Variants in ZNF564 observed in about 807,000 individuals in gnomAD.
ZNF564 encodes zinc finger protein 564.
A neutral mutation model predicts 10.5 loss-of-function variants in ZNF564; 5 were observed. The observed-to-expected ratio is 0.48, with a 90% confidence interval of 0.25 to 1.00. The LOEUF (loss-of-function observed/expected upper bound fraction) is 1.00. Ranked by LOEUF, ZNF564 falls within the 50% of genes least tolerant of loss-of-function variation. The pLI, the probability that ZNF564 is intolerant of heterozygous loss-of-function variation, is 0.16. For missense variants in ZNF564, 603 were observed against 669.7 expected (o/e 0.90, Z 1.10); for synonymous variants, 242 against 218.1 (o/e 1.11, Z -0.97).
At chr19:12,537,672 A>C (rs2021943762) in intron 1 of ZNF564, among the ~76,000 whole-genome samples, 1 of 146,662 alleles carries the variant, frequency 6.8e-6, no homozygotes, top group South Asian at 2.1e-4. Flanking sequence ...CGGGAGGCGG[A>C]GGTTGCGGTG....
In ZNF564 at chr19:12,530,467, A is replaced by G. The variant is rs7256357; in HGVS notation, c.4-1771T>C. 5.8e-3 allele frequency among the ~76,000 whole-genome samples: 887 copies of G among 152,216 alleles called. 15 individuals carry two copies. Among genetic ancestry groups the G allele is most frequent in the African/African-American group, 0.02 (850 of 41,540 alleles). ...TTTACCTTACATACACAAACATACT[A>G]AGAAGACAAAATGCCAGAAGAGTTT... On this transcript the variant is annotated intron_variant, in intron 1 of 3. Transcript: ENST00000339282.
intron 1 of ZNF564, among the ~76,000 whole-genome samples, chr19:12,543,673 CA>C (rs57611686): frequency 0.03 from 1,860 of 62,234 alleles, 15 homozygotes; most frequent in African/African-American, 0.12. Context: ...GACTTCGTCT[CA>C]AAAAAAAAAA....
At chr19:12,534,494 T>C (rs774086167) in intron 1 of ZNF564, among the ~76,000 whole-genome samples, 6 of 152,176 alleles carry the variant, frequency 3.9e-5, no homozygotes, top group Non-Finnish European at 8.8e-5. Flanking sequence ...GCACCTATTT[T>C]GGAAGATGGT....
At chr19:12,533,749 A>AAAAAAAAAAAAAAAAAAAAAG (rs2021854194) in intron 1 of ZNF564, among the ~76,000 whole-genome samples, 1 of 149,304 alleles carries the variant, frequency 6.7e-6, no homozygotes, top group African/African-American at 2.4e-5. Context: ...AAAAAAAAAA[A>AAAAAAAAAAAAAAAAAAAAAG]ACAGAAAAAA....
chr19:12,528,950 G>A (rs371745333), intron 1 of ZNF564, among the ~76,000 whole-genome samples: 7 of 152,078 alleles, frequency 4.6e-5, no homozygotes, highest in East Asian at 1.9e-4. Flanking sequence ...TGTTAATCCC[G>A]GCTACTCAGG....
chr19:12,551,016 C>G lies in ZNF564; in HGVS notation c.3+314G>C, dbSNP rs375211681. Reference sequence around the variant, plus strand: ...CGAACCGCACACCCGAGACGGGATTCCGCCTTATGACCCTCCCGTGTCCCA... The same window carrying G: ...CGAACCGCACACCCGAGACGGGATTGCGCCTTATGACCCTCCCGTGTCCCA... On this transcript the variant is annotated intron_variant, in intron 1 of 3. Transcript: ENST00000339282. Among the ~76,000 whole-genome samples the G allele has an allele frequency of 9.8e-5, 15 of 152,376 alleles. No homozygotes were observed. In the East Asian group the frequency reaches 1.7e-3, roughly 18 times the overall value.
intron 3 of ZNF564, 115 bp downstream of exon 3, chr19:12,528,189 A>G (rs2021731644): frequency 2.7e-6 from 3 of 1,107,590 alleles, no homozygotes; most frequent in South Asian, 1.4e-5. Context: ...TTCTGGTGAA[A>G]AAGTTGTAGG....
chr19:12,539,963 A>C (rs1052388877), intron 1 of ZNF564, among the ~76,000 whole-genome samples: 1 of 151,814 alleles, frequency 6.6e-6, no homozygotes, highest in Non-Finnish European at 1.5e-5. Context: ...CCTGGGTAAC[A>C]GAACGAGACT....
chr19:12,548,421 T>C (rs1371517302), intron 1 of ZNF564, among the ~76,000 whole-genome samples: 2 of 152,090 alleles, frequency 1.3e-5, no homozygotes, highest in Non-Finnish European at 2.9e-5. Context: ...TTCACTGTGT[T>C]AGCCAGGATG....
At chr19:12,551,304 C>G (rs781497869) in intron 1 of ZNF564, 26 bp downstream of exon 1, 114 of 1,604,966 alleles carry the variant, frequency 7.1e-5, no homozygotes, top group Non-Finnish European at 9.4e-5. Flanking sequence ...CCCCCAGTCT[C>G]CAGGCGCCCG....
At chr19:12,544,092 C>T (rs915886236) in intron 1 of ZNF564, among the ~76,000 whole-genome samples, 2 of 152,242 alleles carry the variant, frequency 1.3e-5, no homozygotes, top group South Asian at 4.1e-4. Context: ...TTCAAGCCAC[C>T]CAGCCTATGG....
intron 1 of ZNF564, among the ~76,000 whole-genome samples, chr19:12,544,317 C>T (rs986033233): frequency 2.6e-5 from 4 of 152,130 alleles, no homozygotes; most frequent in Admixed American, 2.6e-4. Context: ...ACAGTTAAAC[C>T]CCAGCAGCAG....
At chr19:12,548,101 C>A (rs2022187305) in intron 1 of ZNF564, 41 of 949,928 alleles carry the variant, frequency 4.3e-5, no homozygotes, top group Non-Finnish European at 5.0e-5. Flanking sequence ...AGCCACCACG[C>A]CCAGTTTCAC....
intron 1 of ZNF564, among the ~76,000 whole-genome samples, chr19:12,543,285 G>T (rs1462664600): frequency 7.5e-6 from 1 of 133,996 alleles, no homozygotes; most frequent in Non-Finnish European, 1.6e-5. Flanking sequence ...CTAGGTGACT[G>T]AGTGAAACTT....
intron 1 of ZNF564, among the ~76,000 whole-genome samples, chr19:12,538,745 G>A (rs181240956): frequency 1.2e-4 from 18 of 152,036 alleles, no homozygotes; most frequent in Non-Finnish European, 5.9e-5. Context: ...AGAGGTCAAT[G>A]CTACAGTGAG....
rs778277393 is a variant in ZNF564 at position 12,527,069 on chromosome 19, T to A, written c.1039A>T (p.Ser347Cys). The A allele has an allele frequency of 1.2e-6, 2 of 1,614,108 alleles. No individual in the cohort carries two copies. The highest frequency in any genetic ancestry group is 1.7e-6 in the Non-Finnish European group (2 of 1,180,014). The change falls in exon 4 of 4, where the codon AGT (serine) becomes TGT (cysteine). Residue 347 changes from serine to cysteine, a missense_variant. Ser to Cys is a moderately radical substitution (Grantham distance 112). Coordinates refer to ENST00000339282, the MANE Select transcript of ZNF564 (RefSeq NM_144976.4). Reference sequence around the variant, plus strand: ...TGTGTTCGAACATTACTGGAAGAACTGAAGGTTTTACCACATTTATTACAT... The same window carrying A: ...TGTGTTCGAACATTACTGGAAGAACAGAAGGTTTTACCACATTTATTACAT... Reference protein sequence around the residue: ...YECNKCGKTFSSSSNVRTHER... With the variant: ...YECNKCGKTFCSSSNVRTHER...
At position 12,527,266 on chromosome 19, in the gene ZNF564, T is replaced by C; in HGVS notation, c.842A>G (p.His281Arg). Reference protein sequence around the residue: ...HERTHTGEKPHECKQCGKAFI... With the variant: ...HERTHTGEKPRECKQCGKAFI... ...GGCCTTCCCACACTGTTTACATTCA[T>C]GGGGTTTCTCTCCAGTATGAGTTCT... is the stretch of plus-strand genomic sequence containing the variant. The change falls in exon 4 of 4, where the codon CAT (histidine) becomes CGT (arginine). Residue 281 changes from histidine (H) to arginine (R), a missense_variant. His to Arg is a conservative substitution (Grantham distance 29, BLOSUM62 0). Coordinates refer to ENST00000339282, the MANE Select transcript of ZNF564 (RefSeq NM_144976.4). The C allele has an allele frequency of 1.2e-6, 2 of 1,614,176 alleles. No individual in the cohort carries two copies. Among genetic ancestry groups the C allele is most frequent in the Non-Finnish European group, 1.7e-6 (2 of 1,180,032 alleles).
chr19:12,547,249 TCTTA>T (rs943742534), intron 1 of ZNF564, among the ~76,000 whole-genome samples: 2 of 152,048 alleles, frequency 1.3e-5, no homozygotes, highest in Non-Finnish European at 2.9e-5. Flanking sequence ...AGAGAGATGG[TCTTA>T]CTATGTGTAC....
intron 1 of ZNF564, among the ~76,000 whole-genome samples, chr19:12,531,890 G>A (rs935871359): frequency 2.0e-5 from 3 of 152,036 alleles, no homozygotes; most frequent in Non-Finnish European, 4.4e-5. Context: ...CTGTTATAGT[G>A]GATTTTAAAA....
Sources: allele counts gnomAD v4.1 joint callset (sites outside exome capture counted in the v4.1 genomes callset), GRCh38; gene constraint gnomAD v4.1.1; transcripts MANE v1.5; gene names NCBI Gene and HGNC (gene_info 2026-07-23, HGNC 2026-07-21).